Variants in PRELID2 observed in about 807,000 individuals in gnomAD.
PRELID2 encodes PRELI domain containing 2, also known as PRELI domain-containing protein 2.
Under a neutral mutation model 28.4 loss-of-function variants are expected in PRELID2, and 25 were observed. That is an observed-to-expected ratio of 0.88 (90% confidence interval 0.64 to 1.23). The LOEUF is 1.23. PRELID2 is among the 50% of genes most tolerant of loss of function. The pLI is 0.00. For synonymous variants in PRELID2, 76 were observed against 71.6 expected (o/e 1.06, Z -0.31); for missense variants, 201 against 214.4 (o/e 0.94, Z 0.39).
chr5:145,798,226 G>T (rs1017610467), intron 4 of PRELID2, among the ~76,000 whole-genome samples: 3 of 152,046 alleles, frequency 2.0e-5, no homozygotes, highest in African/African-American at 7.2e-5. Context: ...GAGCCTAAGG[G>T]ACTTATAAGA....
the PRELID2 span, among the ~76,000 whole-genome samples, chr5:145,459,450 A>G: frequency 6.6e-6 from 1 of 152,022 alleles, no homozygotes. Context: ...AGAAAAGTCA[A>G]AAAAAATAAA....
At chr5:145,314,937 G>A in the PRELID2 span, among the ~76,000 whole-genome samples, 1 of 149,388 alleles carries the variant, frequency 6.7e-6, no homozygotes, top group African/African-American at 2.5e-5. Flanking sequence ...TATTGTTATT[G>A]TTTAATTCTA....
intron 1 of PRELID2, among the ~76,000 whole-genome samples, chr5:145,685,069 T>C (rs148809729): frequency 7.9e-4 from 120 of 152,344 alleles, no homozygotes; most frequent in African/African-American, 2.6e-3. Flanking sequence ...TCTGCCATTC[T>C]TCTGCCTGTC....
intron 1 of PRELID2, among the ~76,000 whole-genome samples, chr5:145,484,548 T>C (rs1419676052): frequency 6.6e-6 from 1 of 152,064 alleles, no homozygotes; most frequent in Non-Finnish European, 1.5e-5. Context: ...ACAGGTAGCC[T>C]CCATTTACAA....
the PRELID2 span, among the ~76,000 whole-genome samples, chr5:145,264,565 C>A: frequency 6.6e-6 from 1 of 151,996 alleles, no homozygotes; most frequent in Admixed American, 6.6e-5. Context: ...TGAAAGCAAC[C>A]CCCCAGAGAA....
At chr5:145,523,325 T>C (rs1436532352) in intron 1 of PRELID2, among the ~76,000 whole-genome samples, 1 of 152,198 alleles carries the variant, frequency 6.6e-6, no homozygotes, top group Non-Finnish European at 1.5e-5. Flanking sequence ...ATCGCTAACA[T>C]TTTAAATAAA....
the PRELID2 span, among the ~76,000 whole-genome samples, chr5:145,369,746 A>G: frequency 1.3e-5 from 2 of 152,046 alleles, no homozygotes; most frequent in Admixed American, 1.3e-4. Flanking sequence ...CAACAGTGTA[A>G]AAGTGCTCCT....
chr5:145,542,749 ATTTCTTTCTTTC>A lies in PRELID2; in HGVS notation n.71-69446_71-69435del, dbSNP rs5871930. Among the ~76,000 whole-genome samples the A allele has an allele frequency of 7.6e-5, 11 of 145,308 alleles. No individual in the cohort carries two copies. The East Asian group carries it at 1.6e-3, about 22-fold the overall frequency. On this transcript the variant is annotated intron_variant and non_coding_transcript_variant, in intron 1 of 2. Transcript: ENST00000510259. ...TTATAAATGATAAATATACATTGTA[ATTTCTTTCTTTC>A]TTTCTTTCTTTCTTTCTTTCTTTCT...
In PRELID2 at chr5:145,617,298, A is replaced by C. The variant is rs556976944; in HGVS notation, n.71-143983T>G. The stretch of plus-strand genomic sequence containing the variant: ...AAAGTAAAGACAGGCATAGGAAATC[A>C]CAAGAGTATTGACTGGGGAAGTGGT... On this transcript the variant is annotated intron_variant and non_coding_transcript_variant, in intron 1 of 2. Transcript: ENST00000510259. Among the ~76,000 whole-genome samples, 36 of 152,374 alleles carry C rather than the reference A, an allele frequency of 2.4e-4. 1 individual carries two copies. The highest frequency in any genetic ancestry group is 1.6e-3 in the Admixed American group (24 of 15,312).
the PRELID2 span, among the ~76,000 whole-genome samples, chr5:145,279,877 C>T: frequency 4.6e-5 from 7 of 151,314 alleles, no homozygotes; most frequent in African/African-American, 1.7e-4. Flanking sequence ...CTTATTTTGC[C>T]ACCTCATGGT....
At chr5:145,541,307 AT>A (rs1752743608) in intron 1 of PRELID2, among the ~76,000 whole-genome samples, 1 of 152,114 alleles carries the variant, frequency 6.6e-6, no homozygotes, top group Non-Finnish European at 1.5e-5. Flanking sequence ...TTGAAAATAT[AT>A]TTTGTGGACT....
the PRELID2 span, among the ~76,000 whole-genome samples, chr5:145,269,862 A>C: frequency 1.4e-3 from 205 of 146,080 alleles, 2 homozygotes; most frequent in African/African-American, 3.7e-3. Context: ...AATTTTATAT[A>C]TATACATATA....
chr5:145,233,886 T>G, the PRELID2 span, among the ~76,000 whole-genome samples: 16 of 152,280 alleles, frequency 1.1e-4, no homozygotes, highest in East Asian at 7.7e-4. Flanking sequence ...AGCAAGTGTG[T>G]TTTTAAAACA....
chr5:145,251,018 A>G, the PRELID2 span, among the ~76,000 whole-genome samples: 1 of 152,156 alleles, frequency 6.6e-6, no homozygotes, highest in Admixed American at 6.6e-5. Flanking sequence ...TGTTTTTGAA[A>G]TGAGGTAATT....
rs530313627 is a variant in PRELID2 at position 145,633,223 on chromosome 5, A to G, written n.70+131708T>C. Reference sequence around the variant, plus strand: ...ATGCCTGGTCTCCTGACCCACAGACACTTGGAGACAATAAATTCTTGTTGT... The same window carrying G: ...ATGCCTGGTCTCCTGACCCACAGACGCTTGGAGACAATAAATTCTTGTTGT... On this transcript the variant is annotated intron_variant and non_coding_transcript_variant, in intron 1 of 2. Coordinates refer to the PRELID2 transcript ENST00000510259. Among the ~76,000 whole-genome samples the G allele has an allele frequency of 2.0e-5, 3 of 152,316 alleles. No individual in the cohort carries two copies. The South Asian group carries it at 6.2e-4, about 32-fold the overall frequency.
Position 145,655,548 on chromosome 5 carries a change from A to G in PRELID2, n.70+109383T>C, listed in dbSNP as rs186974621. 2.7e-3 allele frequency among the ~76,000 whole-genome samples: 413 copies of G among 152,334 alleles called. 2 individuals are homozygous for G. Among genetic ancestry groups the G allele is most frequent in the African/African-American group, 9.6e-3 (399 of 41,580 alleles). ...AACAGCACGGTACTGGTAACAAAAC[A>G]GAGATATAGACCAATGGAACAGAAT... is the stretch of plus-strand genomic sequence containing the variant. On this transcript the variant is annotated intron_variant and non_coding_transcript_variant, in intron 1 of 2. Coordinates refer to the PRELID2 transcript ENST00000510259.
In PRELID2 at chr5:145,741,632, TATAATTTATTTATATATAA is replaced by T. The variant is rs1383008234; in HGVS notation, n.70+23280_70+23298del. The stretch of plus-strand genomic sequence containing the variant: ...TTTATTTATATATAAATAATTTATT[TATAATTTATTTATATATAA>T]ATAATTTATTTATATATAAATAATT... On this transcript the variant is annotated intron_variant and non_coding_transcript_variant, in intron 1 of 2. Transcript: ENST00000510259. Among the ~76,000 whole-genome samples the T allele has an allele frequency of 1.8e-4, 3 of 16,980 alleles. 1 individual carries two copies. Among genetic ancestry groups the T allele is most frequent in the Non-Finnish European group, 3.6e-4 (3 of 8,376 alleles). The allele number at this position is 16,980 out of a possible 152,430, so 11.1% of individuals were successfully genotyped here.
intron 1 of PRELID2, among the ~76,000 whole-genome samples, chr5:145,579,759 C>T (rs1470079577): frequency 6.6e-6 from 1 of 151,978 alleles, no homozygotes; most frequent in Non-Finnish European, 1.5e-5. Flanking sequence ...TTTTGTGATA[C>T]TTGACACTTT....
At chr5:145,639,174 G>C (rs1158734705) in intron 1 of PRELID2, among the ~76,000 whole-genome samples, 2 of 152,190 alleles carry the variant, frequency 1.3e-5, no homozygotes, top group South Asian at 2.1e-4. Flanking sequence ...CTAATAGTTA[G>C]AAGGAAAACC....
Sources: allele counts gnomAD v4.1 joint callset (sites outside exome capture counted in the v4.1 genomes callset), GRCh38; gene constraint gnomAD v4.1.1; transcripts MANE v1.5; gene names NCBI Gene and HGNC (gene_info 2026-07-23, HGNC 2026-07-21).